The following ATG7 variants were observed in gnomAD, a reference collection of about 807,000 sequenced individuals.
The protein encoded by ATG7 is ubiquitin-like modifier-activating enzyme ATG7.
ATG7 carries 70 observed loss-of-function variants against 82.4 expected under a neutral mutation model. That is an observed-to-expected ratio of 0.85 (90% confidence interval 0.70 to 1.04). The LOEUF is 1.04. Ranked by LOEUF, ATG7 falls within the 50% of genes least tolerant of loss-of-function variation. The pLI is 0.00. For synonymous variants in ATG7, 287 were observed against 313.0 expected, an observed-to-expected ratio of 0.92 and a Z score of 0.88; for missense variants, 792 against 864.3, an observed-to-expected ratio of 0.92 and a Z score of 1.05.
At chr3:11,297,931 T>C (rs1178391692) in intron 3 of ATG7, among the ~76,000 whole-genome samples, 1 of 152,160 alleles carries the variant, frequency 6.6e-6, no homozygotes, top group South Asian at 2.1e-4. Context: ...TCAGACTGAC[T>C]CAAGGAAGGA....
Position 11,554,977 on chromosome 3 carries a change from C to G in ATG7, c.*134C>G. 20 of 1,158,850 alleles carry G rather than the reference C, an allele frequency of 1.7e-5. No individual in the cohort carries two copies. The highest frequency in any genetic ancestry group is 2.4e-5 in the Non-Finnish European group (20 of 837,358). The allele number at this position is 1,158,850 out of a possible 1,614,324, so 71.8% of individuals were successfully genotyped here. On this transcript the variant is annotated 3_prime_UTR_variant, in exon 21 of 21. Coordinates refer to ENST00000693202, the MANE Select transcript of ATG7 (RefSeq NM_001349232.2). ...ATACCCCGAGGTCTGGGATTCCCCCCTCTGCTGCCCAGGAGTGGCCAGTGT... is the reference window on the plus strand; with the variant it reads ...ATACCCCGAGGTCTGGGATTCCCCCGTCTGCTGCCCAGGAGTGGCCAGTGT...
intron 20 of ATG7, among the ~76,000 whole-genome samples, chr3:11,432,493 G>C (rs2082986985): frequency 6.6e-6 from 1 of 151,996 alleles, no homozygotes; most frequent in Non-Finnish European, 1.5e-5. Context: ...TTTGGGACTT[G>C]AGGGAGAAGC....
At chr3:11,344,957 G>C (rs755800758) in intron 13 of ATG7, among the ~76,000 whole-genome samples, 1 of 152,084 alleles carries the variant, frequency 6.6e-6, no homozygotes, top group African/African-American at 2.4e-5. Context: ...TTCTATCTTT[G>C]TATATTTTAT....
At chr3:11,385,040 G>T (rs1308470803) in intron 19 of ATG7, among the ~76,000 whole-genome samples, 4 of 152,112 alleles carry the variant, frequency 2.6e-5, no homozygotes, top group Admixed American at 2.6e-4. Flanking sequence ...TTGTTTGTTT[G>T]TTTGTTTTGG....
chr3:11,516,328 A>G (rs942736924), intron 20 of ATG7, among the ~76,000 whole-genome samples: 1 of 151,804 alleles, frequency 6.6e-6, no homozygotes, highest in African/African-American at 2.4e-5. Context: ...CTAAAACTTA[A>G]AGTATAATAA....
chr3:11,406,484 A>G (rs1049649855), intron 19 of ATG7, among the ~76,000 whole-genome samples: 3 of 152,048 alleles, frequency 2.0e-5, no homozygotes, highest in African/African-American at 7.2e-5. Context: ...TTAAAAAAAA[A>G]ATTTGTAGAG....
intron 3 of ATG7, among the ~76,000 whole-genome samples, chr3:11,289,847 A>T (rs936507139): frequency 1.3e-5 from 2 of 151,898 alleles, no homozygotes; most frequent in Non-Finnish European, 2.9e-5. Context: ...GGCATGGACC[A>T]CTGCACTGGG....
rs757746071 is a variant in ATG7 at position 11,554,831 on chromosome 3, T to C, written c.2100T>C (p.Asp700=). The C allele has an allele frequency of 1.1e-5, 17 of 1,613,086 alleles. No individual in the cohort carries two copies. Among genetic ancestry groups the C allele is most frequent in the Admixed American group, 1.7e-5 (1 of 59,964 alleles). ...TGCAGATCTGGGACATGAGCGATGA[T>C]GAGACCATCTGAGATGGCCCCGCTG... The part of the protein sequence containing the change: ...QAAEIWDMSD[D]ETI Residue 700 remains aspartate, a synonymous_variant, in exon 21 of 21, where the codon GAT becomes GAC. Transcript: ENST00000693202.
At chr3:11,540,653 T>C (rs2070737580) in intron 20 of ATG7, among the ~76,000 whole-genome samples, 1 of 142,502 alleles carries the variant, frequency 7.0e-6, no homozygotes, top group Non-Finnish European at 1.5e-5. Flanking sequence ...AAAAAAAAAG[T>C]CTTATATTTT....
At chr3:11,403,390 A>G (rs996285732) in intron 19 of ATG7, among the ~76,000 whole-genome samples, 2 of 151,300 alleles carry the variant, frequency 1.3e-5, no homozygotes, top group African/African-American at 4.9e-5. Context: ...GGAGAAGGAG[A>G]TTAAGAGGGA....
At chr3:11,568,803 C>T in the ATG7 span, 1 of 1,437,948 alleles carries the variant, frequency 7.0e-7, no homozygotes. This position sits in a 1 kb window ranked among gnomAD's most constrained non-coding sequence, Gnocchi z 5.9. Context: ...CGAGAGAGCC[C>T]ACGGCATCCC....
chr3:11,321,675 C>T (rs1388970735), intron 9 of ATG7, among the ~76,000 whole-genome samples: 1 of 152,114 alleles, frequency 6.6e-6, no homozygotes, highest in East Asian at 1.9e-4. Flanking sequence ...GACTTCAGTT[C>T]CCAACAGCTT....
At chr3:11,571,308 G>A in the ATG7 span, among the ~76,000 whole-genome samples, 98 of 152,246 alleles carry the variant, frequency 6.4e-4, 1 homozygote, top group East Asian at 0.015. Flanking sequence ...AAAAGTCAAG[G>A]GAATGAAACC....
chr3:11,445,040 A>G (rs1374306163), intron 20 of ATG7, among the ~76,000 whole-genome samples: 1 of 152,344 alleles, frequency 6.6e-6, no homozygotes, highest in Admixed American at 6.5e-5. Flanking sequence ...GCTATTATGA[A>G]AAAGTCAAAC....
chr3:11,293,316 G>C (rs1369929396), intron 3 of ATG7, among the ~76,000 whole-genome samples: 1 of 151,134 alleles, frequency 6.6e-6, no homozygotes, highest in Non-Finnish European at 1.5e-5. Flanking sequence ...GATTGCTTGA[G>C]GTCAGGAGTT....
At chr3:11,361,487 G>T (rs1036695000) in intron 16 of ATG7, among the ~76,000 whole-genome samples, 3 of 152,012 alleles carry the variant, frequency 2.0e-5, no homozygotes, top group Non-Finnish European at 2.9e-5. Context: ...GTTTCACCAT[G>T]TTGGTCTGGC....
chr3:11,558,953 GA>G, downstream of ATG7: 4 of 1,163,302 alleles, frequency 3.4e-6, no homozygotes, highest in Non-Finnish European at 2.4e-6. Context: ...GGGCTCTGCA[GA>G]CAGAACCCAC....
intron 19 of ATG7, among the ~76,000 whole-genome samples, chr3:11,418,129 G>A (rs189632929): frequency 6.6e-6 from 1 of 151,592 alleles, no homozygotes; most frequent in East Asian, 1.9e-4. Flanking sequence ...TTTTAAGGTA[G>A]GGTCTCACTC....
intron 20 of ATG7, among the ~76,000 whole-genome samples, chr3:11,511,415 C>T (rs1324208757): frequency 3.9e-5 from 6 of 152,218 alleles, no homozygotes; most frequent in Admixed American, 1.3e-4. Flanking sequence ...AGAGTGTCGA[C>T]TGGTGCATTC....
Sources: allele counts gnomAD v4.1 joint callset (sites outside exome capture counted in the v4.1 genomes callset), GRCh38; gene constraint gnomAD v4.1.1; non-coding constraint Gnocchi (gnomAD v3.1); transcripts MANE v1.5; gene names NCBI Gene and HGNC (gene_info 2026-07-23, HGNC 2026-07-21).